PCLO: variants seen among roughly 807,000 people sequenced by gnomAD.
PCLO encodes the protein protein piccolo.
A neutral mutation model predicts 427.5 loss-of-function variants in PCLO; 82 were observed. The ratio of observed to expected loss-of-function variants is 0.19; its 90% CI spans 0.16 to 0.23. PCLO has a LOEUF of 0.23. Ranked by LOEUF, PCLO falls within the 10% of genes least tolerant of loss-of-function variation. The probability of loss-of-function intolerance (pLI) is 1.00; values close to 1 mark genes in which losing one functional copy is unlikely to be tolerated. For synonymous variants in PCLO, 2,357 were observed against 2,155.4 expected (o/e 1.09, Z -2.59); for missense variants, 6,239 against 6,115.9 (o/e 1.02, Z -0.67).
chr7:83,047,321 C>T (rs1281399906), intron 3 of PCLO, among the ~76,000 whole-genome samples: 1 of 151,824 alleles, frequency 6.6e-6, no homozygotes, highest in Non-Finnish European at 1.5e-5. Flanking sequence ...CATTTTTTAA[C>T]ATCAAAAAAG....
intron 3 of PCLO, among the ~76,000 whole-genome samples, chr7:82,969,186 T>C (rs896569858): frequency 2.0e-5 from 3 of 152,194 alleles, no homozygotes; most frequent in Admixed American, 2.0e-4. Context: ...GGTAGTATAC[T>C]CATTATTTTC....
At chr7:82,805,420 C>T (rs1029286511) in intron 21 of PCLO, among the ~76,000 whole-genome samples, 3 of 152,140 alleles carry the variant, frequency 2.0e-5, no homozygotes, top group Non-Finnish European at 4.4e-5. Flanking sequence ...TTTATTCTGG[C>T]ATGGCTAAGT....
chr7:82,870,776 G>A (rs58625569), intron 10 of PCLO, among the ~76,000 whole-genome samples: 3,153 of 151,984 alleles, frequency 0.021, 119 homozygotes, highest in African/African-American at 0.072. Context: ...TTTAAAAAAT[G>A]AGCAAAAGAT....
At chr7:83,081,193 A>C (rs1457733230) in intron 3 of PCLO, among the ~76,000 whole-genome samples, 1 of 152,028 alleles carries the variant, frequency 6.6e-6, no homozygotes, top group Non-Finnish European at 1.5e-5. Context: ...TGTTTGAACT[A>C]AAACAACATA....
chr7:83,062,628 C>T (rs1055577379), intron 3 of PCLO, among the ~76,000 whole-genome samples: 4 of 152,260 alleles, frequency 2.6e-5, no homozygotes, highest in East Asian at 1.9e-4. Flanking sequence ...ATGTGTGAGG[C>T]AGGTACCAGA....
At chr7:82,916,895 A>G (rs1794480949) in intron 6 of PCLO, 22 bp from the exon 7 acceptor site, 1 of 1,532,660 alleles carries the variant, frequency 6.5e-7, no homozygotes, top group African/African-American at 1.4e-5. Flanking sequence ...TAAACAAAAT[A>G]TAGTACTTTA....
At chr7:82,908,232 T>A (rs1361957704) in intron 8 of PCLO, among the ~76,000 whole-genome samples, 1 of 152,080 alleles carries the variant, frequency 6.6e-6, no homozygotes, top group African/African-American at 2.4e-5. Context: ...ATCACCTCAT[T>A]TCTCAAAAGT....
rs1193085360 is a variant in PCLO at position 82,966,320 on chromosome 7, T to C, written c.3468A>G (p.Leu1156=). ...QKTAVPPQVK[L]VKKQEQEVKT... is the part of the protein sequence containing the mutation. Reference sequence around the variant, plus strand: ...TTACTTCTTGTTCTTGCTTTTTCACTAATTTTACTTGGGGAGGCACTGCTG... The same window carrying C: ...TTACTTCTTGTTCTTGCTTTTTCACCAATTTTACTTGGGGAGGCACTGCTG... Residue 1156 remains leucine (L), a synonymous_variant, in exon 4 of 25, where the codon TTA becomes TTG. Coordinates refer to ENST00000333891, the MANE Select transcript of PCLO (RefSeq NM_033026.6). 2.5e-6 allele frequency: 4 copies of C among 1,613,770 alleles called. No homozygotes were observed. The Admixed American group carries it at 6.7e-5, about 27-fold the overall frequency.
chr7:82,949,389 C>T (rs1032956088), intron 6 of PCLO, 87 bp downstream of exon 6: 2 of 965,144 alleles, frequency 2.1e-6, no homozygotes, highest in Non-Finnish European at 3.2e-6. Context: ...TTCTAAGGTA[C>T]CAGGAGCCTG....
intron 3 of PCLO, among the ~76,000 whole-genome samples, chr7:83,082,526 G>C (rs991978811): frequency 6.6e-6 from 1 of 151,578 alleles, no homozygotes. Flanking sequence ...TATGAAGAAG[G>C]GATGATTAAT....
chr7:83,124,648 A>T (rs1791379820), intron 3 of PCLO, among the ~76,000 whole-genome samples: 1 of 152,196 alleles, frequency 6.6e-6, no homozygotes, highest in South Asian at 2.1e-4. Flanking sequence ...ACGATCCAGC[A>T]ATACCACTGC....
chr7:82,959,193 A>C (rs918422455), intron 4 of PCLO, among the ~76,000 whole-genome samples: 6 of 151,956 alleles, frequency 3.9e-5, no homozygotes, highest in South Asian at 2.1e-4. Context: ...CAGCCTCCCG[A>C]GTAGCTGGGA....
intron 22 of PCLO, among the ~76,000 whole-genome samples, chr7:82,778,217 A>G (rs1332936802): frequency 6.6e-6 from 1 of 152,230 alleles, no homozygotes. Flanking sequence ...ACAATGAGAT[A>G]CCATATCATA....
Position 83,135,005 on chromosome 7 carries a change from C to T in PCLO, c.2545G>A (p.Val849Ile), listed in dbSNP as rs547726879. ...TTCTTGGGTTCTTCCTTCTTTTGTA[C>T]GGGGTCAACTTGTTTTTGACCTTTG... ...ESKGQKQVDP[V>I]QKKEEPKKAQ... is the part of the protein sequence containing the mutation. Residue 849 changes from valine to isoleucine, a missense_variant, in exon 3 of 25, where the codon GTA becomes ATA. By Grantham distance (29) the Val-to-Ile change is conservative (BLOSUM62 3). Around this residue, in one of 5 missense-constraint regions of PCLO, gnomAD observed 4,677 missense variants for 4,468.4 expected, o/e 1.05. Coordinates refer to ENST00000333891, the MANE Select transcript of PCLO (RefSeq NM_033026.6). 10 of 1,613,594 alleles carry T rather than the reference C, an allele frequency of 6.2e-6. No homozygotes were observed. The highest frequency in any genetic ancestry group is 3.3e-5 in the Admixed American group (2 of 59,938).
intron 2 of PCLO, among the ~76,000 whole-genome samples, chr7:83,138,143 T>C (rs1022925147): frequency 2.0e-5 from 3 of 152,198 alleles, no homozygotes; most frequent in Admixed American, 6.5e-5. Context: ...TTCTTACATG[T>C]ATAGTCACTG....
chr7:82,846,461 T>C (rs1792504613), intron 12 of PCLO, 106 bp downstream of exon 12: 2 of 681,188 alleles, frequency 2.9e-6, no homozygotes, highest in South Asian at 1.7e-5. Flanking sequence ...TATTTGTCTA[T>C]ATCTGTGTTT....
chr7:83,044,831 A>T (rs1407269606), intron 3 of PCLO, among the ~76,000 whole-genome samples: 3 of 152,162 alleles, frequency 2.0e-5, no homozygotes, highest in African/African-American at 4.8e-5. Context: ...TCTGAACTAT[A>T]AAATGGGGGT....
Position 82,952,796 on chromosome 7 carries a change from T to C in PCLO, c.8157A>G (p.Gly2719=), listed in dbSNP as rs770277765. ...HLEKPQYKED[G]KLQLVGDVID... The stretch of plus-strand genomic sequence containing the variant: ...TTACATCACCAACAAGTTGCAATTT[T>C]CCATCTTCTTTATACTGAGGCTTCT... Residue 2719 remains glycine (G), a synonymous_variant, in exon 5 of 25, where the codon GGA becomes GGG. Coordinates refer to ENST00000333891, the MANE Select transcript of PCLO (RefSeq NM_033026.6). The C allele has an allele frequency of 1.9e-6, 3 of 1,613,680 alleles. No homozygotes were observed. Among genetic ancestry groups the C allele is most frequent in the Non-Finnish European group, 2.5e-6 (3 of 1,179,720 alleles).
intron 3 of PCLO, among the ~76,000 whole-genome samples, chr7:83,033,389 A>G (rs985219047): frequency 1.3e-5 from 2 of 152,182 alleles, no homozygotes; most frequent in Non-Finnish European, 2.9e-5. Flanking sequence ...AATATTTGGG[A>G]AGCTGAACAC....
Sources: gnomAD v4.1 joint callset for allele counts (sites outside exome capture counted in the v4.1 genomes callset) on GRCh38, gnomAD v4.1.1 for gene constraint, gnomAD v4.1.1 regional missense constraint, MANE v1.5 for transcripts, NCBI Gene and HGNC (gene_info 2026-07-23, HGNC 2026-07-21) for gene names.